Variants in GPC6 observed in about 807,000 individuals in gnomAD.
GPC6 encodes glypican 6, also known as glypican-6.
In GPC6, 14 loss-of-function variants were observed where a neutral mutation model predicts 55.2. The ratio of observed to expected loss-of-function variants is 0.25; its 90% CI spans 0.17 to 0.40. The LOEUF (loss-of-function observed/expected upper bound fraction) is 0.40, where lower values mean the gene tolerates loss of function less well. GPC6 is among the 10% of genes least tolerant of loss of function. The pLI is 1.00. For missense variants in GPC6, 641 were observed against 708.5 expected, an observed-to-expected ratio of 0.90 and a Z score of 1.08; for synonymous variants, 278 against 259.6, an observed-to-expected ratio of 1.07 and a Z score of -0.68.
the GPC6 span, among the ~76,000 whole-genome samples, chr13:93,219,251 G>A: frequency 1.5e-4 from 23 of 151,958 alleles, no homozygotes; most frequent in African/African-American, 5.5e-4. Flanking sequence ...ATACCACCAC[G>A]CCCAGCTAAT....
chr13:94,017,819 A>G (rs1882528658), intron 3 of GPC6, among the ~76,000 whole-genome samples: 2 of 152,072 alleles, frequency 1.3e-5, no homozygotes, highest in South Asian at 4.2e-4. Flanking sequence ...CTGGGATTAC[A>G]GGCACCCACC....
intron 6 of GPC6, among the ~76,000 whole-genome samples, chr13:94,380,769 A>G (rs1032026961): frequency 1.3e-5 from 2 of 152,198 alleles, no homozygotes; most frequent in Admixed American, 6.5e-5. Context: ...TTTGCCCACT[A>G]TCACAATAAT....
intron 5 of GPC6, among the ~76,000 whole-genome samples, chr13:94,289,826 A>T (rs931751352): frequency 6.6e-6 from 1 of 152,230 alleles, no homozygotes; most frequent in African/African-American, 2.4e-5. Flanking sequence ...CTCCATCCTC[A>T]TCTATAAAAT....
intron 4 of GPC6, among the ~76,000 whole-genome samples, chr13:94,148,462 A>G (rs1887632909): frequency 6.6e-6 from 1 of 152,210 alleles, no homozygotes; most frequent in Non-Finnish European, 1.5e-5. Context: ...ACATTGAATT[A>G]TAGAAGTAAA....
At chr13:94,082,606 G>T (rs1191340614) in intron 4 of GPC6, among the ~76,000 whole-genome samples, 1 of 152,110 alleles carries the variant, frequency 6.6e-6, no homozygotes, top group African/African-American at 2.4e-5. Flanking sequence ...CTTCCGCAGG[G>T]CCCAGCATTC....
intron 4 of GPC6, among the ~76,000 whole-genome samples, chr13:94,115,188 C>A (rs1393485785): frequency 2.0e-5 from 3 of 152,122 alleles, no homozygotes; most frequent in Non-Finnish European, 2.9e-5. Flanking sequence ...TTCATCCTCT[C>A]CAAGTACTTA....
At position 93,783,162 on chromosome 13, in the gene GPC6, A is replaced by G. The variant is rs564228112; in HGVS notation, c.320-46992A>G. Reference sequence around the variant, plus strand: ...AAAGGACATGATCTTGTTCCTTTTTATGGCTGCATAGTATTCCATGGTGTA... The same window carrying G: ...AAAGGACATGATCTTGTTCCTTTTTGTGGCTGCATAGTATTCCATGGTGTA... On this transcript the variant is annotated intron_variant, in intron 2 of 8. Coordinates refer to ENST00000377047, the MANE Select transcript of GPC6 (RefSeq NM_005708.5). 5.8e-4 allele frequency among the ~76,000 whole-genome samples: 89 copies of G among 152,164 alleles called. 1 individual carries two copies. Among genetic ancestry groups the G allele is most frequent in the African/African-American group, 2.1e-3 (86 of 41,510 alleles).
intron 2 of GPC6, among the ~76,000 whole-genome samples, chr13:93,729,936 C>T (rs373250946): frequency 5.9e-5 from 9 of 152,262 alleles, no homozygotes; most frequent in African/African-American, 2.2e-4. Flanking sequence ...AGCATCCATG[C>T]TGTCTGAGCT....
chr13:94,320,101 T>A (rs1876737597), intron 6 of GPC6, among the ~76,000 whole-genome samples: 1 of 152,222 alleles, frequency 6.6e-6, no homozygotes, highest in Admixed American at 6.5e-5. Context: ...TAATAATGTA[T>A]TTACTTCTCA....
chr13:93,728,230 T>C (rs1462745413), intron 2 of GPC6, among the ~76,000 whole-genome samples: 1 of 151,538 alleles, frequency 6.6e-6, no homozygotes, highest in East Asian at 1.9e-4. Context: ...GTTTGTTTGT[T>C]TTTTGAGACA....
chr13:93,454,152 A>C (rs1878341380), intron 1 of GPC6, among the ~76,000 whole-genome samples: 1 of 149,570 alleles, frequency 6.7e-6, no homozygotes. Context: ...ACCCTGAGCT[A>C]GACACAGGGT....
At chr13:94,223,164 A>G (rs749444915) in intron 4 of GPC6, among the ~76,000 whole-genome samples, 128 of 152,124 alleles carry the variant, frequency 8.4e-4, no homozygotes, top group Non-Finnish European at 1.3e-4. Flanking sequence ...AGAAGTGTAT[A>G]TGTTTGTGTC....
At chr13:93,458,959 A>G (rs12873979) in intron 1 of GPC6, among the ~76,000 whole-genome samples, 32,890 of 152,154 alleles carry the variant, frequency 0.22, 3,680 homozygotes, top group Middle Eastern at 0.29. Flanking sequence ...TCTTTCCTAA[A>G]TTACCTTAAG....
intron 1 of GPC6, among the ~76,000 whole-genome samples, chr13:93,294,771 G>A (rs1878428931): frequency 6.6e-6 from 1 of 151,984 alleles, no homozygotes; most frequent in African/African-American, 2.4e-5. Flanking sequence ...AACTATGAAT[G>A]GTCACTGTGT....
At chr13:94,348,504 G>C (rs1878393015) in intron 6 of GPC6, among the ~76,000 whole-genome samples, 1 of 152,214 alleles carries the variant, frequency 6.6e-6, no homozygotes, top group Non-Finnish European at 1.5e-5. Flanking sequence ...CCTCGAGTGG[G>C]AAGGATCTAG....
intron 2 of GPC6, among the ~76,000 whole-genome samples, chr13:93,768,348 G>T (rs1885187990): frequency 6.6e-6 from 1 of 152,110 alleles, no homozygotes; most frequent in Admixed American, 6.5e-5. Flanking sequence ...AGTCCTTAGT[G>T]TCACAAGTTT....
At chr13:93,612,779 G>T (rs1878539739) in intron 2 of GPC6, among the ~76,000 whole-genome samples, 1 of 152,138 alleles carries the variant, frequency 6.6e-6, no homozygotes. Context: ...GGAGATTAAA[G>T]AATATTTTTC....
At chr13:93,589,835 C>T (rs1306179223) in intron 2 of GPC6, among the ~76,000 whole-genome samples, 3 of 152,266 alleles carry the variant, frequency 2.0e-5, no homozygotes, top group African/African-American at 4.8e-5. Flanking sequence ...CAAAATTAAT[C>T]CTGATGACAT....
intron 1 of GPC6, among the ~76,000 whole-genome samples, chr13:93,333,713 T>C (rs1048304132): frequency 1.3e-5 from 2 of 151,974 alleles, no homozygotes; most frequent in African/African-American, 4.8e-5. Context: ...CATTTCTCTA[T>C]TTTTTGTAGA....
Sources: gnomAD v4.1 joint callset for allele counts (sites outside exome capture counted in the v4.1 genomes callset) on GRCh38, gnomAD v4.1.1 for gene constraint, MANE v1.5 for transcripts, NCBI Gene and HGNC (gene_info 2026-07-23, HGNC 2026-07-21) for gene names.